SNX27: variants seen among roughly 807,000 people sequenced by gnomAD.
SNX27 encodes sorting nexin-27.
A neutral mutation model predicts 71.6 loss-of-function variants in SNX27; 22 were observed. The observed-to-expected ratio is 0.31, with a 90% CI of 0.22 to 0.44. The LOEUF is 0.44. Ranked by LOEUF, SNX27 falls within the 20% of genes least tolerant of loss-of-function variation. SNX27 has a pLI of 1.00. For missense variants in SNX27, 531 were observed against 698.6 expected (o/e 0.76, Z 2.70); for synonymous variants, 269 against 277.2 (o/e 0.97, Z 0.29).
chr1:151,651,237 C>T (rs1669333458), intron 2 of SNX27, among the ~76,000 whole-genome samples: 2 of 149,792 alleles, frequency 1.3e-5, no homozygotes, highest in Non-Finnish European at 1.5e-5. Context: ...GGGGCTGACC[C>T]CCCGACCTCC....
chr1:151,650,850 T>C (rs998786677), intron 2 of SNX27, among the ~76,000 whole-genome samples: 2 of 151,860 alleles, frequency 1.3e-5, no homozygotes, highest in African/African-American at 4.8e-5. Context: ...AAGCACATCT[T>C]GCACCGCCCT....
In SNX27 at chr1:151,660,992, T is replaced by C. The variant is rs1296316365; in HGVS notation, c.801+130T>C. The C allele has an allele frequency of 4.3e-6, 3 of 695,266 alleles. No homozygotes were observed. In the East Asian group the frequency reaches 8.0e-5, roughly 19 times the overall value. 43.1% of individuals were successfully genotyped at this position (695,266 alleles called of 1,614,324 possible). ...GGACTCCATTTTTTCTACTTCCTTTTTATATGTATCCTACTTATCTATCCT... is the reference window on the plus strand; with the variant it reads ...GGACTCCATTTTTTCTACTTCCTTTCTATATGTATCCTACTTATCTATCCT... On this transcript the variant is annotated intron_variant, in intron 4 of 11. Coordinates refer to ENST00000458013, the MANE Select transcript of SNX27 (RefSeq NM_001330723.2).
chr1:151,673,763 AACT>A (rs1670545705), intron 7 of SNX27, among the ~76,000 whole-genome samples: 1 of 152,164 alleles, frequency 6.6e-6, no homozygotes, highest in Non-Finnish European at 1.5e-5. Flanking sequence ...CCTCTTGCTG[AACT>A]GACCCCTTTA....
chr1:151,662,424 CT>C, intron 5 of SNX27, 154 bp downstream of exon 5: 1 of 463,534 alleles, frequency 2.2e-6, no homozygotes, highest in Non-Finnish European at 3.9e-6. Context: ...TGTGAAAGTA[CT>C]TTGCCCTCCT....
At position 151,698,872 on chromosome 1, in the gene SNX27, ACT is replaced by A. The variant is rs1671908837; in HGVS notation, c.*4458_*4459del. ...TGCACATTTAATTTATTTCAGAGAA[ACT>A]CTAATTGTATTTTCACTGCAGTATC... On this transcript the variant is annotated 3_prime_UTR_variant, in exon 12 of 12. Transcript: ENST00000458013. 6.6e-6 allele frequency: 1 copy of A among 152,304 alleles called. No homozygotes were observed. The highest frequency in any genetic ancestry group is 2.4e-5 in the African/African-American group (1 of 41,306). 9.4% of individuals were successfully genotyped at this position (152,304 alleles called of 1,614,324 possible).
rs1388349516 is a variant in SNX27 at position 151,683,812 on chromosome 1, A to G, written c.1239+367A>G. The stretch of plus-strand genomic sequence containing the variant: ...TTCCCGAGTAGCTGGGACTACAGGC[A>G]TGTGCCACCACACCCAGCTAATTTT... On this transcript the variant is annotated intron_variant, in intron 8 of 11. Coordinates refer to ENST00000458013, the MANE Select transcript of SNX27 (RefSeq NM_001330723.2). 2.6e-5 allele frequency among the ~76,000 whole-genome samples: 4 copies of G among 152,042 alleles called. No homozygotes were observed. The East Asian group carries it at 7.7e-4, about 29-fold the overall frequency.
At chr1:151,671,206 G>A (rs1670439809) in intron 7 of SNX27, among the ~76,000 whole-genome samples, 1 of 150,394 alleles carries the variant, frequency 6.6e-6, no homozygotes, top group South Asian at 2.1e-4. Context: ...ATAATTTGAA[G>A]TCAGGTAATA....
chr1:151,646,505 T>C (rs976912284), intron 2 of SNX27, among the ~76,000 whole-genome samples: 7 of 151,158 alleles, frequency 4.6e-5, no homozygotes, highest in African/African-American at 1.7e-4. Context: ...TTTTATTAGG[T>C]ATAATTTGTT....
chr1:151,683,706 G>A (rs1310321515), intron 8 of SNX27, among the ~76,000 whole-genome samples: 1 of 152,032 alleles, frequency 6.6e-6, no homozygotes, highest in East Asian at 1.9e-4. Context: ...TTGCTCTGTT[G>A]CCCAGGCTGA....
chr1:151,641,278 A>G (rs1484707440), intron 2 of SNX27, among the ~76,000 whole-genome samples: 1 of 152,104 alleles, frequency 6.6e-6, no homozygotes, highest in Non-Finnish European at 1.5e-5. Flanking sequence ...AAACTGCCAA[A>G]CAGTTTTCCA....
At chr1:151,671,026 A>G (rs546732397) in intron 7 of SNX27, among the ~76,000 whole-genome samples, 18 of 152,238 alleles carry the variant, frequency 1.2e-4, no homozygotes, top group South Asian at 8.3e-4. Flanking sequence ...TCCCAGCACC[A>G]TTTATTGAAG....
At chr1:151,646,167 T>C (rs531454517) in intron 2 of SNX27, among the ~76,000 whole-genome samples, 4 of 152,264 alleles carry the variant, frequency 2.6e-5, no homozygotes, top group African/African-American at 7.2e-5. Flanking sequence ...CACTAACATA[T>C]AGCCACTAGT....
intron 2 of SNX27, among the ~76,000 whole-genome samples, chr1:151,641,647 A>C (rs59569584): frequency 0.51 from 59,819 of 117,006 alleles, 16,908 homozygotes; most frequent in Non-Finnish European, 0.65. Context: ...TATCATATAT[A>C]TATCATATGT....
intron 7 of SNX27, among the ~76,000 whole-genome samples, chr1:151,681,233 A>ATATTTTTTTTTTTTTTT (rs1558071789): frequency 2.3e-5 from 2 of 87,376 alleles, no homozygotes; most frequent in Non-Finnish European, 4.5e-5. Context: ...TAGTCTCTCA[A>ATATTTTTTTTTTTTTTT]TCTTTTTTTT....
chr1:151,639,529 T>C (rs2102634175), intron 2 of SNX27, among the ~76,000 whole-genome samples: 1 of 152,354 alleles, frequency 6.6e-6, no homozygotes, highest in East Asian at 1.9e-4. Context: ...TTCAAGATAT[T>C]TGGGTAATAG....
chr1:151,650,593 T>C (rs1374415546), intron 2 of SNX27, among the ~76,000 whole-genome samples: 4 of 152,118 alleles, frequency 2.6e-5, no homozygotes, highest in Non-Finnish European at 5.9e-5. Context: ...CTAATTTTTC[T>C]CTTTTTTTTT....
intron 2 of SNX27, among the ~76,000 whole-genome samples, chr1:151,654,435 G>A (rs527737061): frequency 3.3e-5 from 5 of 151,860 alleles, no homozygotes; most frequent in Non-Finnish European, 7.4e-5. Flanking sequence ...AGCTATAGCC[G>A]ACCTCTGCTT....
rs1299024734 is a variant in SNX27, at chr1:151,634,145, T to C, written c.312-4743T>C. ...TTGGCAAAACTTGGTATTGCCACTCTATTTTAGCCATTCTTATAGACATGT... is the reference window on the plus strand; with the variant it reads ...TTGGCAAAACTTGGTATTGCCACTCCATTTTAGCCATTCTTATAGACATGT... On this transcript the variant is annotated intron_variant, in intron 1 of 11. Transcript: ENST00000458013. Among the ~76,000 whole-genome samples the C allele has an allele frequency of 2.6e-5, 4 of 152,320 alleles. No individual in the cohort carries two copies. In the East Asian group the frequency reaches 5.8e-4, roughly 22 times the overall value.
intron 1 of SNX27, among the ~76,000 whole-genome samples, chr1:151,634,167 A>G (rs1421047858): frequency 6.6e-6 from 1 of 152,220 alleles, no homozygotes; most frequent in Non-Finnish European, 1.5e-5. Context: ...TCTTATAGAC[A>G]TGTAGCCATT....
Sources: allele counts gnomAD v4.1 joint callset (sites outside exome capture counted in the v4.1 genomes callset), GRCh38; gene constraint gnomAD v4.1.1; transcripts MANE v1.5; gene names NCBI Gene and HGNC (gene_info 2026-07-23, HGNC 2026-07-21).